The following DAB1 variants were observed in gnomAD, a reference collection of about 807,000 sequenced individuals.
The protein encoded by DAB1 is disabled homolog 1.
A neutral mutation model predicts 64.6 loss-of-function variants in DAB1; 15 were observed. That is an observed-to-expected ratio of 0.23 (90% confidence interval 0.16 to 0.36). DAB1 has a LOEUF of 0.36. Among genes scored for constraint, DAB1 ranks in the 10% least tolerant of loss-of-function variants. The pLI is 1.00. For missense variants in DAB1, 596 were observed against 706.7 expected (o/e 0.84, Z 1.78); for synonymous variants, 235 against 251.9 (o/e 0.93, Z 0.64).
At chr1:58,368,888 A>G (rs1301903163) in intron 3 of DAB1, among the ~76,000 whole-genome samples, 1 of 152,182 alleles carries the variant, frequency 6.6e-6, no homozygotes, top group Non-Finnish European at 1.5e-5. Context: ...TTATCCGGGC[A>G]TGGTGGCACA....
chr1:58,015,068 G>A (rs867538413), intron 5 of DAB1, among the ~76,000 whole-genome samples: 19 of 152,334 alleles, frequency 1.2e-4, no homozygotes, highest in Middle Eastern at 6.8e-3. Context: ...AGTCAAACAA[G>A]AGAGAGCAGA....
chr1:58,027,849 A>G (rs924135874), intron 5 of DAB1, among the ~76,000 whole-genome samples: 4 of 152,218 alleles, frequency 2.6e-5, no homozygotes, highest in East Asian at 3.9e-4. Context: ...CATATAGATG[A>G]AACCTAGAAA....
At chr1:57,563,611 G>T (rs574167892) in intron 7 of DAB1, among the ~76,000 whole-genome samples, 114 of 152,274 alleles carry the variant, frequency 7.5e-4, no homozygotes, top group African/African-American at 2.7e-3. Flanking sequence ...CTTTTCCAAC[G>T]GTCTTAGCAA....
chr1:57,646,766 A>G (rs1460045580), intron 7 of DAB1, among the ~76,000 whole-genome samples: 1 of 152,056 alleles, frequency 6.6e-6, no homozygotes. Context: ...AAAACAGAAA[A>G]CAAAACCCCA....
chr1:58,154,778 G>A (rs1655131744), intron 4 of DAB1, among the ~76,000 whole-genome samples: 2 of 152,044 alleles, frequency 1.3e-5, no homozygotes, highest in South Asian at 4.2e-4. Context: ...GCGTTGGTGG[G>A]GAAAAAGAAC....
chr1:58,390,515 G>A (rs1000312511), intron 3 of DAB1, among the ~76,000 whole-genome samples: 3 of 152,162 alleles, frequency 2.0e-5, no homozygotes, highest in African/African-American at 4.8e-5. Flanking sequence ...TGGAAAGAAC[G>A]CAATCGTGGA....
chr1:58,406,712 C>G (rs972771937), intron 3 of DAB1, among the ~76,000 whole-genome samples: 2 of 80,124 alleles, frequency 2.5e-5, no homozygotes, highest in African/African-American at 6.4e-5. Context: ...AATATCATCC[C>G]CCCCCCCCAA....
At position 57,163,582 on chromosome 1, in the gene DAB1, A is replaced by G. The variant is rs1660960449; in HGVS notation, c.68-18153T>C. ...CCACGCTGGTGGTGGGGGCGGCGGT[A>G]CCTTATGCAGGGGCATGACTCACAT... On this transcript the variant is annotated intron_variant, in intron 2 of 14. Transcript: ENST00000371236. Among the ~76,000 whole-genome samples the G allele has an allele frequency of 2.0e-5, 3 of 151,944 alleles. No homozygotes were observed. The South Asian group carries it at 6.2e-4, about 31-fold the overall frequency.
At chr1:57,246,479 A>T (rs576762915) in intron 2 of DAB1, among the ~76,000 whole-genome samples, 224 of 152,336 alleles carry the variant, frequency 1.5e-3, no homozygotes, top group African/African-American at 5.3e-3. Context: ...GATGTATAGA[A>T]ATGCCTGGAT....
chr1:58,006,143 A>G (rs574381127), intron 5 of DAB1, among the ~76,000 whole-genome samples: 52 of 152,290 alleles, frequency 3.4e-4, no homozygotes, highest in Non-Finnish European at 6.5e-4. Flanking sequence ...GTTGAATCTT[A>G]GGCATCTAGT....
At chr1:57,725,277 A>T (rs1647194907) in intron 6 of DAB1, among the ~76,000 whole-genome samples, 1 of 152,196 alleles carries the variant, frequency 6.6e-6, no homozygotes, top group African/African-American at 2.4e-5. Flanking sequence ...TTGCTTTTGG[A>T]AGATAAAAAA....
At position 57,544,921 on chromosome 1, in the gene DAB1, T is replaced by C. The variant is rs139848760; in HGVS notation, n.625+104671A>G. On this transcript the variant is annotated intron_variant and non_coding_transcript_variant, in intron 7 of 20. Coordinates refer to the DAB1 transcript ENST00000485760. Reference sequence around the variant, plus strand: ...CTGTGAGTCAATTAAACCTCTTTCATTTATAAATTACCCAGCCTTGGACAG... The same window carrying C: ...CTGTGAGTCAATTAAACCTCTTTCACTTATAAATTACCCAGCCTTGGACAG... Among the ~76,000 whole-genome samples the C allele has an allele frequency of 1.8e-3, 267 of 152,340 alleles. 2 individuals carry two copies. The East Asian group carries it at 0.018, about 10-fold the overall frequency.
chr1:57,053,360 G>T (rs1649380532), intron 9 of DAB1, among the ~76,000 whole-genome samples: 1 of 151,940 alleles, frequency 6.6e-6, no homozygotes, highest in Non-Finnish European at 1.5e-5. Context: ...TGATCATCCT[G>T]CCTCAGGCCC....
intron 5 of DAB1, among the ~76,000 whole-genome samples, chr1:57,894,820 G>T (rs1644369893): frequency 6.6e-6 from 1 of 152,154 alleles, no homozygotes. Flanking sequence ...ACACCCAAGG[G>T]TTTGTAGAGG....
At chr1:57,064,729 T>C (rs553188076) in intron 8 of DAB1, among the ~76,000 whole-genome samples, 1 of 151,972 alleles carries the variant, frequency 6.6e-6, no homozygotes, top group East Asian at 1.9e-4. Flanking sequence ...ACATCCTATG[T>C]TCCCAGAAGC....
chr1:57,201,199 C>A (rs186750699), intron 2 of DAB1, among the ~76,000 whole-genome samples: 1 of 152,060 alleles, frequency 6.6e-6, no homozygotes, highest in East Asian at 1.9e-4. Context: ...TCAATGACAC[C>A]CCCTTTCTTC....
At chr1:58,193,175 G>A (rs1657483363) in intron 4 of DAB1, among the ~76,000 whole-genome samples, 1 of 152,174 alleles carries the variant, frequency 6.6e-6, no homozygotes, top group South Asian at 2.1e-4. Flanking sequence ...TCCCTGGGAA[G>A]AGGGAAGTGA....
chr1:57,830,588 A>AAT (rs1441742087), intron 1 of DAB1, among the ~76,000 whole-genome samples: 289 of 151,476 alleles, frequency 1.9e-3, no homozygotes, highest in African/African-American at 5.9e-3. Context: ...ACACATGAAA[A>AAT]ATATATATAT....
intron 6 of DAB1, among the ~76,000 whole-genome samples, chr1:57,805,942 T>A (rs1026956517): frequency 6.6e-6 from 1 of 152,206 alleles, no homozygotes; most frequent in African/African-American, 2.4e-5. Flanking sequence ...CTCACTATGT[T>A]CCTCCATTTT....
Sources: allele counts gnomAD v4.1 joint callset (sites outside exome capture counted in the v4.1 genomes callset), GRCh38; gene constraint gnomAD v4.1.1; transcripts MANE v1.5; gene names NCBI Gene and HGNC (gene_info 2026-07-23, HGNC 2026-07-21).